The following DNMBP variants were observed in gnomAD, a reference collection of about 807,000 sequenced individuals.
DNMBP encodes the protein dynamin-binding protein.
Under a neutral mutation model 150.0 loss-of-function variants are expected in DNMBP, and 87 were observed. The ratio of observed to expected loss-of-function variants is 0.58; its 90% CI spans 0.49 to 0.69. DNMBP has a LOEUF of 0.69. Ranked by LOEUF, DNMBP falls within the 30% of genes least tolerant of loss-of-function variation. The pLI is 0.00. For missense variants in DNMBP, 1,774 were observed against 1,949.0 expected (o/e 0.91, Z 1.69); for synonymous variants, 711 against 750.4 (o/e 0.95, Z 0.86).
intron 1 of DNMBP, among the ~76,000 whole-genome samples, chr10:100,009,222 A>T (rs1292148565): frequency 6.6e-6 from 1 of 152,216 alleles, no homozygotes; most frequent in Non-Finnish European, 1.5e-5. Flanking sequence ...TAACCTCAAT[A>T]TTCCTTTACT....
chr10:99,889,047 G>T, intron 11 of DNMBP, 94 bp from the exon 12 acceptor site: 2 of 1,435,250 alleles, frequency 1.4e-6, no homozygotes, highest in East Asian at 2.4e-5. Flanking sequence ...TTGGAAAAAT[G>T]AGTTCCATAA....
chr10:99,909,143 A>C lies in DNMBP; in HGVS notation c.2264T>G (p.Met755Arg), dbSNP rs1182675041. The change falls in exon 5 of 17, where the codon ATG becomes AGG. Residue 755 changes from methionine (M) to arginine (R), a missense_variant. Coordinates refer to ENST00000324109, the MANE Select transcript of DNMBP (RefSeq NM_015221.4). ...LNMELQQLRE[M>R]TLLSSQSSSL... ...TGAAGACTGGGAGGAGAGGAGCGTCATTTCTAGAAGGGAAAAGAGAACTGG... is the reference window on the plus strand; with the variant it reads ...TGAAGACTGGGAGGAGAGGAGCGTCCTTTCTAGAAGGGAAAAGAGAACTGG... 16 of 1,612,646 alleles carry C rather than the reference A, an allele frequency of 9.9e-6. No homozygotes were observed. Among genetic ancestry groups the C allele is most frequent in the Non-Finnish European group, 1.4e-5 (16 of 1,179,654 alleles).
At chr10:99,934,051 A>G (rs575496032) in intron 4 of DNMBP, among the ~76,000 whole-genome samples, 2 of 151,896 alleles carry the variant, frequency 1.3e-5, no homozygotes, top group African/African-American at 4.8e-5. Flanking sequence ...ATTTTTTAGG[A>G]CCCCAACTTC....
intron 4 of DNMBP, among the ~76,000 whole-genome samples, chr10:99,942,574 C>A (rs188986926): frequency 6.6e-6 from 1 of 152,302 alleles, no homozygotes; most frequent in East Asian, 1.9e-4. Flanking sequence ...AAATCTGAAA[C>A]CAATACTTAA....
chr10:99,880,602 C>T (rs185735582), intron 15 of DNMBP, among the ~76,000 whole-genome samples: 8 of 152,250 alleles, frequency 5.3e-5, no homozygotes, highest in Non-Finnish European at 1.0e-4. Flanking sequence ...GCCGCAGCTG[C>T]CTGCCGGTTC....
intron 12 of DNMBP, among the ~76,000 whole-genome samples, chr10:99,888,195 G>GTTTTT (rs111791997): frequency 5.0e-5 from 7 of 139,676 alleles, no homozygotes; most frequent in African/African-American, 1.9e-4. Flanking sequence ...TGTCTTCAAG[G>GTTTTT]TTTTTTTTTT....
chr10:99,933,159 A>C (rs2040180271), intron 4 of DNMBP, among the ~76,000 whole-genome samples: 1 of 151,826 alleles, frequency 6.6e-6, no homozygotes, highest in Non-Finnish European at 1.5e-5. Flanking sequence ...AGCTGGGCAC[A>C]GTGGCACACA....
rs755674215 is a variant in DNMBP at position 99,972,103 on chromosome 10, G to C, written c.22C>G (p.Arg8Gly). The C allele has an allele frequency of 6.2e-7, 1 of 1,613,254 alleles. No homozygotes were observed. Among genetic ancestry groups the C allele is most frequent in the Non-Finnish European group, 8.5e-7 (1 of 1,179,814 alleles). The change falls in exon 2 of 17, where the codon CGA becomes GGA. Residue 8 changes from arginine (R) to glycine (G), a missense_variant. By Grantham distance (125) the Arg-to-Gly change is moderately radical. Transcript: ENST00000324109. MEAGSVV[R>G]AIFDFCPSVS... ...CTAGGGCAGAAGTCAAAAATGGCTCGAACCACTGAGCCAGCCTCCATGTTT... is the reference window on the plus strand; with the variant it reads ...CTAGGGCAGAAGTCAAAAATGGCTCCAACCACTGAGCCAGCCTCCATGTTT...
intron 4 of DNMBP, among the ~76,000 whole-genome samples, chr10:99,915,030 G>A (rs2039945255): frequency 1.3e-5 from 2 of 148,430 alleles, no homozygotes; most frequent in South Asian, 4.3e-4. Flanking sequence ...GGAGGTAGAG[G>A]CTGCAGTGAG....
chr10:99,978,506 T>C (rs2040751223), intron 1 of DNMBP, among the ~76,000 whole-genome samples: 1 of 152,234 alleles, frequency 6.6e-6, no homozygotes, highest in Admixed American at 6.5e-5. Context: ...CACTTCAAAA[T>C]AAATCATAAA....
At chr10:99,974,678 A>C (rs2040709962) in intron 1 of DNMBP, among the ~76,000 whole-genome samples, 1 of 152,130 alleles carries the variant, frequency 6.6e-6, no homozygotes, top group South Asian at 2.1e-4. Context: ...GGTAGAGATG[A>C]ATGAGGACTC....
chr10:99,986,536 C>T (rs1243643134), intron 1 of DNMBP, among the ~76,000 whole-genome samples: 3 of 131,766 alleles, frequency 2.3e-5, no homozygotes, highest in Non-Finnish European at 3.1e-5. Context: ...AACTGCAAGG[C>T]GTGAGCTGAG....
chr10:99,991,087 T>C (rs185553990), intron 1 of DNMBP, among the ~76,000 whole-genome samples: 2,821 of 152,098 alleles, frequency 0.019, 45 homozygotes, highest in Middle Eastern at 0.048. Flanking sequence ...AAGAATTTTT[T>C]TTTTTTTTTG....
intron 1 of DNMBP, among the ~76,000 whole-genome samples, chr10:100,008,486 G>T (rs532455376): frequency 8.1e-4 from 124 of 152,296 alleles, no homozygotes; most frequent in Non-Finnish European, 1.6e-3. Context: ...TAACACGTAA[G>T]TATCTGCAAT....
intron 10 of DNMBP, among the ~76,000 whole-genome samples, chr10:99,895,558 T>C (rs1031600289): frequency 1.3e-5 from 2 of 152,222 alleles, no homozygotes; most frequent in Admixed American, 1.3e-4. Context: ...AGGCCCTCCT[T>C]TAAACCTTCT....
intron 1 of DNMBP, among the ~76,000 whole-genome samples, chr10:100,000,817 G>C (rs1272995864): frequency 7.4e-6 from 1 of 135,300 alleles, no homozygotes; most frequent in Non-Finnish European, 1.5e-5. Flanking sequence ...GAGGAATTGG[G>C]AAGGCAGACC....
chr10:99,891,162 C>T (rs558032627), intron 11 of DNMBP, among the ~76,000 whole-genome samples: 14 of 149,150 alleles, frequency 9.4e-5, no homozygotes, highest in South Asian at 4.3e-4. Flanking sequence ...CCCTCTCCCT[C>T]TCCCCCTCTC....
chr10:99,898,209 G>A lies in DNMBP; in HGVS notation c.2797C>T (p.Leu933=), dbSNP rs758394254. ...VQRVMRYPLL[L]MELLNSTPES... Reference sequence around the variant, plus strand: ...GGGGTGGAATTCAGCAACTCCATTAGCAACAGCGGGTAACGCATTACTCTC... The same window carrying A: ...GGGGTGGAATTCAGCAACTCCATTAACAACAGCGGGTAACGCATTACTCTC... Residue 933 remains leucine (L), a synonymous_variant, in exon 9 of 17, where the codon CTA becomes TTA. Transcript: ENST00000324109. The A allele has an allele frequency of 5.0e-6, 8 of 1,614,000 alleles. No homozygotes were observed. Among genetic ancestry groups the A allele is most frequent in the Non-Finnish European group, 6.8e-6 (8 of 1,179,938 alleles).
chr10:99,940,513 C>T (rs1262047403), intron 4 of DNMBP, among the ~76,000 whole-genome samples: 1 of 152,110 alleles, frequency 6.6e-6, no homozygotes, highest in African/African-American at 2.4e-5. Context: ...TATCTAATAG[C>T]AGTGAGGCCT....
Sources: allele counts gnomAD v4.1 joint callset (sites outside exome capture counted in the v4.1 genomes callset), GRCh38; gene constraint gnomAD v4.1.1; transcripts MANE v1.5; gene names NCBI Gene and HGNC (gene_info 2026-07-23, HGNC 2026-07-21).